The following KALRN variants were observed in gnomAD, a reference collection of about 807,000 sequenced individuals.
KALRN encodes kalirin RhoGEF kinase.
A neutral mutation model predicts 353.7 loss-of-function variants in KALRN; 70 were observed. That is an observed-to-expected ratio of 0.20 (90% CI 0.16 to 0.24). The LOEUF is 0.24. KALRN is among the 10% of genes least tolerant of loss of function. KALRN has a pLI of 1.00. For synonymous variants in KALRN, 1,391 were observed against 1,434.8 expected (o/e 0.97, Z 0.69); for missense variants, 2,791 against 3,756.7 (o/e 0.74, Z 6.72).
At chr3:124,613,798 T>G (rs1161270496) in intron 34 of KALRN, among the ~76,000 whole-genome samples, 1 of 152,222 alleles carries the variant, frequency 6.6e-6, no homozygotes, top group Non-Finnish European at 1.5e-5. Context: ...TGGAAGTGCC[T>G]CACTGTCTAC....
chr3:124,559,767 C>T (rs1386265280), intron 33 of KALRN, among the ~76,000 whole-genome samples: 4 of 152,214 alleles, frequency 2.6e-5, no homozygotes, highest in African/African-American at 9.6e-5. Context: ...ATTTCCCCAG[C>T]ACCCTCCCTT....
intron 26 of KALRN, among the ~76,000 whole-genome samples, chr3:124,476,854 T>A (rs2061476684): frequency 6.6e-6 from 1 of 152,220 alleles, no homozygotes; most frequent in Non-Finnish European, 1.5e-5. Context: ...TCATTATTTG[T>A]TTTTGTATTC....
At chr3:124,682,387 G>T (rs1479391616) in intron 51 of KALRN, among the ~76,000 whole-genome samples, 2 of 152,130 alleles carry the variant, frequency 1.3e-5, no homozygotes, top group Non-Finnish European at 2.9e-5. Flanking sequence ...TGTGCTGAGG[G>T]TGTCTCTGTT....
At chr3:124,054,277 C>T (rs1247416490) in intron 1 of KALRN, among the ~76,000 whole-genome samples, 1 of 151,546 alleles carries the variant, frequency 6.6e-6, no homozygotes, top group East Asian at 1.9e-4. Flanking sequence ...AATCCCAGTA[C>T]TTTGGGAGGC....
intron 51 of KALRN, among the ~76,000 whole-genome samples, chr3:124,679,979 A>G (rs945748665): frequency 6.6e-6 from 1 of 151,874 alleles, no homozygotes; most frequent in Non-Finnish European, 1.5e-5. Context: ...TTGCTCTTCT[A>G]CTGGGTTTTA....
chr3:124,533,787 CA>C (rs1347277588), intron 33 of KALRN, among the ~76,000 whole-genome samples: 1 of 152,154 alleles, frequency 6.6e-6, no homozygotes, highest in Non-Finnish European at 1.5e-5. Flanking sequence ...CTTTACTCTC[CA>C]AAAGGTGAAG....
intron 1 of KALRN, among the ~76,000 whole-genome samples, chr3:124,070,998 T>G (rs1396346318): frequency 6.6e-6 from 1 of 152,204 alleles, no homozygotes; most frequent in Non-Finnish European, 1.5e-5. Context: ...CTGTCTTTTT[T>G]TTTTGTGTGT....
intron 57 of KALRN, among the ~76,000 whole-genome samples, chr3:124,708,002 T>C (rs1256177857): frequency 6.6e-6 from 1 of 152,212 alleles, no homozygotes; most frequent in Non-Finnish European, 1.5e-5. Context: ...CTCAGACTAA[T>C]CTTTGTGTGG....
chr3:124,081,587 A>G (rs1451831302), intron 1 of KALRN, among the ~76,000 whole-genome samples: 2 of 152,180 alleles, frequency 1.3e-5, no homozygotes, highest in African/African-American at 2.4e-5. Flanking sequence ...GCTGGGCAAC[A>G]TAGGGAGATG....
intron 10 of KALRN, among the ~76,000 whole-genome samples, chr3:124,379,218 G>A (rs1205680504): frequency 1.3e-5 from 2 of 151,906 alleles, no homozygotes; most frequent in African/African-American, 4.8e-5. Context: ...ATCTTTAAAA[G>A]TACAAGGGAT....
intron 33 of KALRN, among the ~76,000 whole-genome samples, chr3:124,530,492 A>G (rs1260941569): frequency 6.6e-6 from 1 of 152,072 alleles, no homozygotes; most frequent in Non-Finnish European, 1.5e-5. Flanking sequence ...CCTGGGCTGA[A>G]GTGATCCTCC....
At chr3:124,126,787 G>T (rs1326320334) in intron 1 of KALRN, among the ~76,000 whole-genome samples, 2 of 152,220 alleles carry the variant, frequency 1.3e-5, no homozygotes, top group Non-Finnish European at 1.5e-5. Flanking sequence ...TATGTTCACA[G>T]ATGAGGGAAT....
At chr3:124,494,450 G>C (rs1340804641) in intron 32 of KALRN, among the ~76,000 whole-genome samples, 1 of 152,166 alleles carries the variant, frequency 6.6e-6, no homozygotes, top group Non-Finnish European at 1.5e-5. Context: ...GCTCTCAACT[G>C]TCTACACATG....
intron 54 of KALRN, among the ~76,000 whole-genome samples, chr3:124,697,106 T>A (rs1049676911): frequency 6.6e-6 from 1 of 152,044 alleles, no homozygotes; most frequent in Non-Finnish European, 1.5e-5. Context: ...CTTTTTGTAG[T>A]GATGGAGCCT....
At chr3:124,115,712 G>A (rs2063394651) in intron 1 of KALRN, among the ~76,000 whole-genome samples, 1 of 152,170 alleles carries the variant, frequency 6.6e-6, no homozygotes, top group African/African-American at 2.4e-5. Context: ...GGGAGGTCGA[G>A]CAACGGCAGC....
chr3:124,666,463 T>A lies in KALRN; in HGVS notation c.6360T>A (p.Ala2120=). 2 of 1,613,954 alleles carry A rather than the reference T, an allele frequency of 1.2e-6. No individual in the cohort carries two copies. The highest frequency in any genetic ancestry group is 1.7e-6 in the Non-Finnish European group (2 of 1,179,864). ...RLQGFEGTLT[A]QGKLLQQDTF... ...CTTTCCTTCAGGGCACTCTGACTGC[T>A]CAGGGGAAGCTGCTGCAGCAGGACA... Residue 2120 remains alanine, a synonymous_variant, in exon 46 of 60, where the codon GCT becomes GCA. Transcript: ENST00000682506.
At chr3:124,679,365 T>C in intron 50 of KALRN, 93 bp from the exon 51 acceptor site, 1 of 1,086,284 alleles carries the variant, frequency 9.2e-7, no homozygotes, top group Non-Finnish European at 1.4e-6. Context: ...CCATCGCCCA[T>C]GCTTCTCTGA....
intron 50 of KALRN, 76 bp from the exon 51 acceptor site, chr3:124,679,382 C>CCT (rs1278907144): frequency 1.1e-5 from 15 of 1,305,034 alleles, no homozygotes; most frequent in Non-Finnish European, 1.6e-5. Context: ...CTGAAGTTCT[C>CCT]CTCTCTCTCT....
At chr3:124,345,931 A>G (rs1197427105) in intron 9 of KALRN, among the ~76,000 whole-genome samples, 1 of 152,250 alleles carries the variant, frequency 6.6e-6, no homozygotes, top group Admixed American at 6.5e-5. Context: ...TCCGTTTGAG[A>G]CACAGGAATG....
Sources: gnomAD v4.1 joint callset for allele counts (sites outside exome capture counted in the v4.1 genomes callset) on GRCh38, gnomAD v4.1.1 for gene constraint, MANE v1.5 for transcripts, NCBI Gene and HGNC (gene_info 2026-07-23, HGNC 2026-07-21) for gene names.